TPRG1: variants seen among roughly 807,000 people sequenced by gnomAD.
TPRG1 encodes tumor protein p63 regulated 1, also known as tumor protein p63-regulated gene 1 protein.
In TPRG1, 29 loss-of-function variants were observed where a neutral mutation model predicts 29.3. The observed-to-expected ratio is 0.99, with a 90% confidence interval of 0.74 to 1.35. The LOEUF is 1.35. Ranked by LOEUF, TPRG1 falls within the 40% of genes most tolerant of loss-of-function variation. The pLI is 0.00. For missense variants in TPRG1, 327 were observed against 335.0 expected (o/e 0.98, Z 0.19); for synonymous variants, 130 against 116.8 (o/e 1.11, Z -0.73).
intron 3 of TPRG1, among the ~76,000 whole-genome samples, chr3:189,014,801 C>T (rs1712835077): frequency 6.6e-6 from 1 of 152,122 alleles, no homozygotes. Flanking sequence ...CCCAGTCATG[C>T]TTCCTGTTAA....
upstream of TPRG1, among the ~76,000 whole-genome samples, chr3:189,167,506 G>A (rs1328183072): frequency 6.6e-6 from 1 of 152,116 alleles, no homozygotes; most frequent in Non-Finnish European, 1.5e-5. Context: ...TAAGAGTAGG[G>A]GCAGGACTGG....
chr3:189,059,561 C>A (rs1420198510), intron 4 of TPRG1, among the ~76,000 whole-genome samples: 1 of 151,246 alleles, frequency 6.6e-6, no homozygotes, highest in Non-Finnish European at 1.5e-5. Context: ...CACTGCACTC[C>A]AGCCTGAGCG....
At chr3:189,203,612 C>A (rs1429969201) in intron 1 of TPRG1, among the ~76,000 whole-genome samples, 1 of 152,106 alleles carries the variant, frequency 6.6e-6, no homozygotes, top group African/African-American at 2.4e-5. Context: ...CTTAGCCATT[C>A]CTTGAACATT....
chr3:189,193,577 G>A (rs1180616696), intron 1 of TPRG1, among the ~76,000 whole-genome samples: 1 of 150,876 alleles, frequency 6.6e-6, no homozygotes, highest in East Asian at 2.0e-4. Context: ...GTGTCCATAA[G>A]TCTTGTAAGC....
chr3:189,035,668 A>G (rs921807747), intron 4 of TPRG1, among the ~76,000 whole-genome samples: 1 of 152,176 alleles, frequency 6.6e-6, no homozygotes, highest in African/African-American at 2.4e-5. Flanking sequence ...ACCAACAAAT[A>G]TATTAAAAAG....
At chr3:189,114,857 C>T (rs927396869) in intron 1 of TPRG1, among the ~76,000 whole-genome samples, 8 of 152,152 alleles carry the variant, frequency 5.3e-5, no homozygotes, top group African/African-American at 1.7e-4. Context: ...TCAGTTATAG[C>T]CCTGAGGGAT....
chr3:189,283,493 G>C (rs1717503237), intron 4 of TPRG1, among the ~76,000 whole-genome samples: 1 of 152,194 alleles, frequency 6.6e-6, no homozygotes, highest in South Asian at 2.1e-4. Flanking sequence ...TGTGATATCA[G>C]AGTGCTTTAA....
intron 4 of TPRG1, among the ~76,000 whole-genome samples, chr3:189,268,196 A>T (rs1014869704): frequency 6.6e-6 from 1 of 151,968 alleles, no homozygotes; most frequent in Non-Finnish European, 1.5e-5. Flanking sequence ...TGTCATGTAC[A>T]CTCTTGACTT....
chr3:189,232,025 A>G (rs1015709373), intron 3 of TPRG1, among the ~76,000 whole-genome samples: 1 of 150,234 alleles, frequency 6.7e-6, no homozygotes, highest in African/African-American at 2.5e-5. Context: ...TGTGATTTTT[A>G]TTGTATTTTT....
chr3:189,319,572 T>C (rs1293255782), intron 5 of TPRG1, among the ~76,000 whole-genome samples: 1 of 152,078 alleles, frequency 6.6e-6, no homozygotes, highest in Non-Finnish European at 1.5e-5. Flanking sequence ...TGGTCTCTAC[T>C]GCTACACTGT....
At chr3:189,316,900 G>T (rs770700556) in intron 5 of TPRG1, among the ~76,000 whole-genome samples, 1 of 152,102 alleles carries the variant, frequency 6.6e-6, no homozygotes, top group East Asian at 1.9e-4. Flanking sequence ...GAGCCAGCTC[G>T]GGGACTTGGC....
upstream of TPRG1, among the ~76,000 whole-genome samples, chr3:189,169,808 C>G (rs1560509295): frequency 6.6e-6 from 1 of 152,176 alleles, no homozygotes; most frequent in Admixed American, 6.5e-5. Context: ...AAGAGGCAAT[C>G]AAGGCTTGGG....
intron 4 of TPRG1, among the ~76,000 whole-genome samples, chr3:189,290,806 A>G (rs534972550): frequency 1.3e-5 from 2 of 152,324 alleles, no homozygotes; most frequent in Admixed American, 1.3e-4. Context: ...TTGGGGAGTT[A>G]GTTGAAAAGT....
At chr3:189,065,058 G>T (rs147549732) in intron 4 of TPRG1, among the ~76,000 whole-genome samples, 1 of 151,874 alleles carries the variant, frequency 6.6e-6, no homozygotes, top group Non-Finnish European at 1.5e-5. Flanking sequence ...ATGTGTTGGC[G>T]CACAGCTACT....
Position 189,112,236 on chromosome 3 carries a change from T to C in TPRG1, c.-744+12032T>C, listed in dbSNP as rs143972473. Among the ~76,000 whole-genome samples the C allele has an allele frequency of 2.3e-3, 357 of 152,312 alleles. 2 individuals are homozygous for C. The highest frequency in any genetic ancestry group is 8.1e-3 in the African/African-American group (336 of 41,572). On this transcript the variant is annotated intron_variant, in intron 1 of 6. Coordinates refer to the TPRG1 transcript ENST00000412373. ...GTAAGAATTTTTGCATCTATGTTTG[T>C]GAGAGATATTGGTCTATAATTTTCT...
chr3:189,079,402 TC>T (rs1447982232), intron 4 of TPRG1, among the ~76,000 whole-genome samples: 1 of 152,206 alleles, frequency 6.6e-6, no homozygotes, highest in Non-Finnish European at 1.5e-5. Context: ...TTGATTGTTA[TC>T]ACCCTCTAAA....
chr3:189,157,988 A>G (rs566735342), intron 5 of TPRG1, among the ~76,000 whole-genome samples: 2 of 152,324 alleles, frequency 1.3e-5, no homozygotes, highest in East Asian at 3.9e-4. Flanking sequence ...GCATCCTTTT[A>G]GGATGTTATT....
intron 5 of TPRG1, among the ~76,000 whole-genome samples, chr3:189,312,376 A>G (rs552393679): frequency 6.6e-6 from 1 of 152,026 alleles, no homozygotes; most frequent in East Asian, 1.9e-4. Context: ...TCCAAGATAA[A>G]GAGCTTAATA....
intron 4 of TPRG1, among the ~76,000 whole-genome samples, chr3:189,064,011 CT>C (rs1327834350): frequency 6.6e-6 from 1 of 152,088 alleles, no homozygotes; most frequent in Non-Finnish European, 1.5e-5. Flanking sequence ...AGTGGAGTCA[CT>C]AGAAAATACA....
Sources: gnomAD v4.1 joint callset for allele counts (sites outside exome capture counted in the v4.1 genomes callset) on GRCh38, gnomAD v4.1.1 for gene constraint, MANE v1.5 for transcripts, NCBI Gene and HGNC (gene_info 2026-07-23, HGNC 2026-07-21) for gene names.